Variants in TCF4 observed in about 807,000 individuals in gnomAD.
TCF4 encodes the protein SL3-3 enhancer factor 2.
In TCF4, 3 loss-of-function variants were observed where a neutral mutation model predicts 82.1. That is an observed-to-expected ratio of 0.04 (90% CI 0.02 to 0.09). The LOEUF (loss-of-function observed/expected upper bound fraction) is 0.09, where lower values mean the gene tolerates loss of function less well. TCF4 is among the 10% of genes least tolerant of loss of function. The pLI is 1.00. For synonymous variants in TCF4, 276 were observed against 309.6 expected (o/e 0.89, Z 1.14); for missense variants, 518 against 852.7 (o/e 0.61, Z 4.89).
intron 6 of TCF4, among the ~76,000 whole-genome samples, chr18:55,373,941 A>T (rs1347681846): frequency 6.6e-6 from 1 of 152,152 alleles, no homozygotes; most frequent in Non-Finnish European, 1.5e-5. Context: ...GGAAATATCC[A>T]TGCCATTTCC....
rs776449885 is a variant in TCF4, at chr18:55,255,400, TCTAA to T, written c.1147-704_1147-701del. ...TTGAATCAACTGTTCACTGGGGGCA[TCTAA>T]CTGAGTTCAAAGCCCCAACTATAGC... On this transcript the variant is annotated intron_variant, in intron 14 of 19. Coordinates refer to ENST00000354452, the MANE Select transcript of TCF4 (RefSeq NM_001083962.2). 1.1e-4 allele frequency among the ~76,000 whole-genome samples: 17 copies of T among 152,280 alleles called. 1 individual carries two copies. The South Asian group carries it at 2.7e-3, about 24-fold the overall frequency.
chr18:55,421,065 A>C (rs563200374), intron 5 of TCF4, among the ~76,000 whole-genome samples: 1 of 152,232 alleles, frequency 6.6e-6, no homozygotes, highest in South Asian at 2.1e-4. Context: ...TGCCCACACA[A>C]AAAAAGAAAT....
At chr18:55,229,710 T>C (rs1160373734) in intron 17 of TCF4, 1 of 153,288 alleles carries the variant, frequency 6.5e-6, no homozygotes, top group South Asian at 2.0e-4. Flanking sequence ...CAACCCACTA[T>C]GTGAGTCTCA....
intron 6 of TCF4, among the ~76,000 whole-genome samples, chr18:55,382,176 G>C (rs899161919): frequency 7.9e-5 from 12 of 152,002 alleles, no homozygotes; most frequent in African/African-American, 2.7e-4. Context: ...TCCTTCCTCA[G>C]TGGGCATTAA....
chr18:55,565,674 T>C (rs530333831), intron 3 of TCF4, among the ~76,000 whole-genome samples: 61 of 152,186 alleles, frequency 4.0e-4, no homozygotes, highest in Middle Eastern at 3.2e-3. Flanking sequence ...AATTTAAGCA[T>C]TGGATTTGTT....
chr18:55,412,229 A>G (rs1242525058), intron 5 of TCF4, among the ~76,000 whole-genome samples: 1 of 152,126 alleles, frequency 6.6e-6, no homozygotes, highest in Admixed American at 6.5e-5. Flanking sequence ...AGTTTTTTAA[A>G]AGACAAGGAC....
At chr18:55,353,119 T>C (rs1316321301) in intron 6 of TCF4, among the ~76,000 whole-genome samples, 1 of 152,206 alleles carries the variant, frequency 6.6e-6, no homozygotes, top group Non-Finnish European at 1.5e-5. Context: ...TAATTCCTCT[T>C]GGTCCTGGTG....
At chr18:55,306,335 T>C (rs1220411801) in intron 8 of TCF4, among the ~76,000 whole-genome samples, 3 of 152,200 alleles carry the variant, frequency 2.0e-5, no homozygotes, top group African/African-American at 7.2e-5. Context: ...GCTGACTTTC[T>C]TATAAAAGAA....
intron 2 of TCF4, among the ~76,000 whole-genome samples, chr18:55,622,006 CTA>C (rs200115534): frequency 0.036 from 4,643 of 128,044 alleles, 251 homozygotes; most frequent in African/African-American, 0.12. Flanking sequence ...TATATATACA[CTA>C]TATATATTAT....
At chr18:55,578,596 G>A in intron 3 of TCF4, among the ~76,000 whole-genome samples, 1 of 152,018 alleles carries the variant, frequency 6.6e-6, no homozygotes, top group Non-Finnish European at 1.5e-5. Context: ...TTGTATTTCA[G>A]CTAAAATTAC....
chr18:55,253,724 C>T (rs2055961038), intron 15 of TCF4, among the ~76,000 whole-genome samples: 1 of 151,660 alleles, frequency 6.6e-6, no homozygotes, highest in African/African-American at 2.4e-5. Context: ...ATAAACATAC[C>T]ATATATTTCT....
chr18:55,377,926 GAATA>G (rs1338025729), intron 6 of TCF4, among the ~76,000 whole-genome samples: 6 of 152,202 alleles, frequency 3.9e-5, no homozygotes, highest in East Asian at 1.9e-4. Flanking sequence ...TCACGCTATA[GAATA>G]AAAAGACAAT....
intron 5 of TCF4, among the ~76,000 whole-genome samples, chr18:55,458,986 T>C (rs2095822240): frequency 6.6e-6 from 1 of 152,166 alleles, no homozygotes; most frequent in Non-Finnish European, 1.5e-5. Context: ...GTGGAAAATG[T>C]AGCAGTTTGT....
At chr18:55,427,330 G>A (rs939726721) in intron 5 of TCF4, among the ~76,000 whole-genome samples, 12 of 152,180 alleles carry the variant, frequency 7.9e-5, no homozygotes, top group Admixed American at 3.3e-4. Flanking sequence ...CTAGCTGTAT[G>A]AGTGTCCATT....
At chr18:55,496,407 T>TAAAAAAAAAAAAAAACA (rs59413482) in intron 3 of TCF4, 1 of 131,924 alleles carries the variant, frequency 7.6e-6, no homozygotes, top group African/African-American at 2.9e-5. Context: ...ACAAAAAAAC[T>TAAAAAAAAAAAAAAACA]AAAAAAAAAA....
chr18:55,631,532 A>G (rs182151856), intron 1 of TCF4: 99 of 695,992 alleles, frequency 1.4e-4, no homozygotes, highest in African/African-American at 1.4e-3. Context: ...GTGCACAGAA[A>G]CTCTTGACAA....
chr18:55,549,626 G>A (rs1483521033), intron 3 of TCF4, among the ~76,000 whole-genome samples: 1 of 152,138 alleles, frequency 6.6e-6, no homozygotes. Flanking sequence ...ACAGCATGGC[G>A]CTGTCAGGGG....
Position 55,313,946 on chromosome 18 carries a change from C to G in TCF4, c.550-34290G>C, listed in dbSNP as rs184974002. On this transcript the variant is annotated intron_variant, in intron 8 of 19. Transcript: ENST00000354452. ...AATGAGTTTGACATTTCCCTCCCCC[C>G]CTTACAAATTCACAGAGTAGAGATA... Among the ~76,000 whole-genome samples, 935 of 152,206 alleles carry G rather than the reference C, an allele frequency of 6.1e-3. 3 individuals are homozygous for G. Among genetic ancestry groups the G allele is most frequent in the Non-Finnish European group, 9.4e-3 (636 of 67,984 alleles).
At chr18:55,634,165 A>G (rs2097734030) in intron 1 of TCF4, among the ~76,000 whole-genome samples, 3 of 152,096 alleles carry the variant, frequency 2.0e-5, no homozygotes, top group Admixed American at 2.0e-4. Context: ...GCTACATGGG[A>G]GGCTGAGACA....
Sources: gnomAD v4.1 joint callset for allele counts (sites outside exome capture counted in the v4.1 genomes callset) on GRCh38, gnomAD v4.1.1 for gene constraint, MANE v1.5 for transcripts, NCBI Gene and HGNC (gene_info 2026-07-23, HGNC 2026-07-21) for gene names.